Variants in NUP214 observed in about 807,000 individuals in gnomAD.
NUP214 encodes nucleoporin 214, also known as nuclear pore complex protein Nup214.
Under a neutral mutation model 196.2 loss-of-function variants are expected in NUP214, and 79 were observed. The observed-to-expected ratio is 0.40, with a 90% confidence interval of 0.34 to 0.49. The LOEUF is 0.49. Among genes scored for constraint, NUP214 ranks in the 20% least tolerant of loss-of-function variants. The probability of loss-of-function intolerance (pLI) is 0.58; values close to 1 mark genes in which losing one functional copy is unlikely to be tolerated. For synonymous variants in NUP214, 1,020 were observed against 990.5 expected (o/e 1.03, Z -0.56); for missense variants, 2,468 against 2,539.0 (o/e 0.97, Z 0.60).
At chr9:131,139,546 A>C in intron 10 of NUP214, 139 bp downstream of exon 10, 2 of 1,300,206 alleles carry the variant, frequency 1.5e-6, no homozygotes, top group Non-Finnish European at 2.1e-6. Context: ...CTCCCTGAAG[A>C]GTGATAACAG....
chr9:131,129,156 G>A, intron 3 of NUP214, 123 bp from the exon 4 acceptor site: 1 of 814,102 alleles, frequency 1.2e-6, no homozygotes, highest in Non-Finnish European at 1.9e-6. Context: ...TTTTTTTATG[G>A]TTATGGAGAA....
chr9:131,145,393 A>G (rs1832060067), intron 12 of NUP214, among the ~76,000 whole-genome samples: 1 of 152,126 alleles, frequency 6.6e-6, no homozygotes, highest in African/African-American at 2.4e-5. Context: ...CCCTCCCAAG[A>G]TAACCATGAG....
In NUP214 at chr9:131,162,116, T is replaced by C. The variant is rs569096366; in HGVS notation, c.2541-875T>C. Among the ~76,000 whole-genome samples the C allele has an allele frequency of 2.0e-5, 3 of 152,334 alleles. No homozygotes were observed. The South Asian group carries it at 6.2e-4, about 32-fold the overall frequency. On this transcript the variant is annotated intron_variant, in intron 18 of 35. Coordinates refer to ENST00000359428, the MANE Select transcript of NUP214 (RefSeq NM_005085.4). ...AGGGAAGCAAAAGATTAGACACCCC[T>C]GCTGTACAGCATGGTTTTGTACTGA...
intron 30 of NUP214, among the ~76,000 whole-genome samples, chr9:131,213,692 T>C (rs1253183954): frequency 6.6e-6 from 1 of 152,182 alleles, no homozygotes; most frequent in Non-Finnish European, 1.5e-5. Context: ...TAGGACTGAA[T>C]TGGATTCCTA....
At position 131,150,345 on chromosome 9, in the gene NUP214, G is replaced by C. The variant is rs375826091; in HGVS notation, c.2062G>C (p.Val688Leu). ...TCAGGCAAAGTCACTTCAGCCTGCT[G>C]TTGCAGAAAAGCAGGGACATCAGTG... ...SPQAKSLQPAVAEKQGHQWKD... is the reference protein window; with the variant it reads ...SPQAKSLQPALAEKQGHQWKD... The change falls in exon 15 of 36, where the codon GTT (valine) becomes CTT (leucine). Residue 688 changes from valine (V) to leucine (L), a missense_variant. Val to Leu is a conservative substitution (Grantham distance 32). This residue lies in a region of NUP214 where 1,801 missense variants were observed against 1,779.4 expected (regional missense o/e 1.01). Transcript: ENST00000359428. 1 of 1,614,170 alleles carries C rather than the reference G, an allele frequency of 6.2e-7. No homozygotes were observed. The highest frequency in any genetic ancestry group is 1.7e-5 in the Admixed American group (1 of 60,026).
intron 5 of NUP214, among the ~76,000 whole-genome samples, chr9:131,131,695 T>A (rs4740416): frequency 0.25 from 38,508 of 152,112 alleles, 4,963 homozygotes; most frequent in East Asian, 0.41. Flanking sequence ...TATTATTATT[T>A]TTTTTTGAGA....
chr9:131,200,182 T>G (rs1833901657), intron 29 of NUP214, among the ~76,000 whole-genome samples: 2 of 152,266 alleles, frequency 1.3e-5, no homozygotes, highest in South Asian at 2.1e-4. Context: ...GGAATCTTCT[T>G]TCATTTAGTA....
At chr9:131,177,578 T>A (rs112329839) in intron 23 of NUP214, among the ~76,000 whole-genome samples, 17 of 152,264 alleles carry the variant, frequency 1.1e-4, no homozygotes, top group Admixed American at 5.2e-4. Flanking sequence ...TAAAAGAGAA[T>A]TAACTACAGG....
intron 32 of NUP214, 118 bp downstream of exon 32, chr9:131,223,048 A>G: frequency 1.2e-6 from 1 of 860,538 alleles, no homozygotes; most frequent in Non-Finnish European, 1.7e-6. Context: ...GGAGTAAAGA[A>G]GTTAACTGTT....
Position 131,230,764 on chromosome 9 carries a change from C to T in NUP214, c.6209C>T (p.Thr2070Ile). The T allele has an allele frequency of 1.2e-6, 2 of 1,613,086 alleles. No homozygotes were observed. Among genetic ancestry groups the T allele is most frequent in the Non-Finnish European group, 1.7e-6 (2 of 1,179,770 alleles). The change falls in exon 34 of 36, where the codon ACA (threonine) becomes ATA (isoleucine). Residue 2070 changes from threonine (T) to isoleucine (I), a missense_variant. Coordinates refer to ENST00000359428, the MANE Select transcript of NUP214 (RefSeq NM_005085.4). ...SSGFSGFGSG[T>I]GGFSFGSNNS... ...GGATTCTCTGGTTTTGGATCAGGCA[C>T]AGGAGGTAAGCTGCCACAAGTTCTC...
At chr9:131,150,255 A>G (rs775848859) in intron 14 of NUP214, 69 bp from the exon 15 acceptor site, 137 of 1,348,140 alleles carry the variant, frequency 1.0e-4, no homozygotes, top group Non-Finnish European at 1.3e-4. Context: ...ACTCCCTGTA[A>G]TAGGCTCTGA....
intron 31 of NUP214, among the ~76,000 whole-genome samples, chr9:131,221,543 T>TG (rs958279167): frequency 1.1e-4 from 16 of 152,246 alleles, no homozygotes; most frequent in African/African-American, 3.4e-4. Flanking sequence ...GACAGGTTAA[T>TG]GGGGGGGCCA....
chr9:131,182,701 C>T (rs981160868), intron 24 of NUP214, among the ~76,000 whole-genome samples: 2 of 152,092 alleles, frequency 1.3e-5, no homozygotes, highest in Admixed American at 6.5e-5. Flanking sequence ...GTGATTAGAT[C>T]GTTTACCTTA....
intron 9 of NUP214, chr9:131,136,444 TC>T (rs1318820966): frequency 6.4e-6 from 1 of 156,180 alleles, no homozygotes; most frequent in Non-Finnish European, 1.4e-5. Flanking sequence ...ACTTAGCACT[TC>T]CTTCGCTTCT....
At position 131,150,696 on chromosome 9, in the gene NUP214, G is replaced by A; in HGVS notation, c.2208G>A (p.Glu736=). The A allele has an allele frequency of 6.2e-7, 1 of 1,614,216 alleles. No homozygotes were observed. Among genetic ancestry groups the A allele is most frequent in the Non-Finnish European group, 8.5e-7 (1 of 1,180,040 alleles). Residue 736 remains glutamate (E), a synonymous_variant, in exon 16 of 36, where the codon GAG becomes GAA. Coordinates refer to ENST00000359428, the MANE Select transcript of NUP214 (RefSeq NM_005085.4). ...KACFQVGTSE[E]MKMLRTESDD... is the part of the protein sequence containing the mutation. The stretch of plus-strand genomic sequence containing the variant: ...GTTTCCAAGTGGGCACTTCTGAGGA[G>A]ATGAAGATGCTGCGAACAGAATCAG...
At position 131,146,431 on chromosome 9, in the gene NUP214, T is replaced by A; in HGVS notation, c.1945+127T>A. 2.3e-6 allele frequency: 2 copies of A among 886,020 alleles called. No homozygotes were observed. The highest frequency in any genetic ancestry group is 2.3e-5 in the Admixed American group (1 of 43,502). 54.9% of individuals were successfully genotyped at this position (886,020 alleles called of 1,614,324 possible). On this transcript the variant is annotated intron_variant, in intron 13 of 35. Transcript: ENST00000359428. This position sits in a 1 kb window ranked among gnomAD's most constrained non-coding sequence, Gnocchi z 4.6. ...TTTTCTTGCTTCCTGTATCATACAT[T>A]AATGATTAATGTGCTGTGATTTTCA...
In NUP214 at chr9:131,125,607, G is replaced by T. The variant is rs895416599; in HGVS notation, c.-98G>T. The T allele has an allele frequency of 2.6e-6, 4 of 1,548,836 alleles. No individual in the cohort carries two copies. The highest frequency in any genetic ancestry group is 4.9e-5 in the East Asian group (2 of 40,674). On this transcript the variant is annotated 5_prime_UTR_variant, in exon 1 of 36. Coordinates refer to ENST00000359428, the MANE Select transcript of NUP214 (RefSeq NM_005085.4). This position sits in a 1 kb window ranked among gnomAD's most constrained non-coding sequence, Gnocchi z 4.1. Reference sequence around the variant, plus strand: ...ATGCGAGGTCAACTGCGCGCCGCTGGCGCTGAGGGGAGGAAGTTTGCTGTC... The same window carrying T: ...ATGCGAGGTCAACTGCGCGCCGCTGTCGCTGAGGGGAGGAAGTTTGCTGTC...
intron 7 of NUP214, 32 bp downstream of exon 7, chr9:131,133,241 G>A: frequency 1.5e-6 from 2 of 1,320,718 alleles, no homozygotes; most frequent in Non-Finnish European, 1.0e-6. Flanking sequence ...CATTGTTTGA[G>A]AATTAGAGAA....
In NUP214 at chr9:131,198,420, A is replaced by G. The variant is rs61751472; in HGVS notation, c.4926A>G (p.Ser1642=). 47,823 of 1,614,198 alleles carry G rather than the reference A, an allele frequency of 0.03. 890 individuals carry two copies. Among genetic ancestry groups the G allele is most frequent in the African/African-American group, 0.079 (5,943 of 75,044 alleles). Residue 1642 remains serine (S), a synonymous_variant, in exon 29 of 36, where the codon TCA becomes TCG. Transcript: ENST00000359428. ...CATTTGGTACCGTCACTTCTGGCTCATCCGTCTTTGCTCAGCCTCCTGCTG... is the reference window on the plus strand; with the variant it reads ...CATTTGGTACCGTCACTTCTGGCTCGTCCGTCTTTGCTCAGCCTCCTGCTG... ...AAAFGTVTSG[S]SVFAQPPAAS...
Sources: allele counts gnomAD v4.1 joint callset (sites outside exome capture counted in the v4.1 genomes callset), GRCh38; gene constraint gnomAD v4.1.1; regional missense constraint gnomAD v4.1.1; non-coding constraint Gnocchi (gnomAD v3.1); transcripts MANE v1.5; gene names NCBI Gene and HGNC (gene_info 2026-07-23, HGNC 2026-07-21).